Variants in RBFOX1 observed in about 807,000 individuals in gnomAD.
RBFOX1 encodes the protein RNA binding protein fox-1 homolog 1.
In RBFOX1, 8 loss-of-function variants were observed where a neutral mutation model predicts 57.7. That is an observed-to-expected ratio of 0.14 (90% CI 0.08 to 0.25). The LOEUF is 0.25. Among genes scored for constraint, RBFOX1 ranks in the 10% least tolerant of loss-of-function variants. The pLI, the probability that RBFOX1 is intolerant of heterozygous loss-of-function variation, is 1.00. For missense variants in RBFOX1, 611 were observed against 548.5 expected (o/e 1.11, Z -1.14); for synonymous variants, 326 against 222.4 (o/e 1.47, Z -4.15).
intron 2 of RBFOX1, among the ~76,000 whole-genome samples, chr16:5,492,272 T>C (rs887846119): frequency 6.6e-6 from 1 of 152,210 alleles, no homozygotes; most frequent in Non-Finnish European, 1.5e-5. Context: ...CAGGTACCTG[T>C]TTTTCCCAAT....
At chr16:6,063,428 A>G (rs1340851909) in intron 1 of RBFOX1, among the ~76,000 whole-genome samples, 3 of 151,212 alleles carry the variant, frequency 2.0e-5, no homozygotes, top group African/African-American at 7.3e-5. Context: ...ACTTGTCTCA[A>G]GCATTATCCA....
chr16:6,927,412 C>CAGAAAAAAAA (rs79137804), intron 3 of RBFOX1, among the ~76,000 whole-genome samples: 25 of 9,634 alleles, frequency 2.6e-3, no homozygotes, highest in Non-Finnish European at 3.9e-3. Flanking sequence ...GACGCTTTCT[C>CAGAAAAAAAA]ACAAAAAAAA....
At chr16:7,697,344 G>C (rs1233985640) in intron 14 of RBFOX1, among the ~76,000 whole-genome samples, 1 of 152,142 alleles carries the variant, frequency 6.6e-6, no homozygotes, top group Non-Finnish European at 1.5e-5. Context: ...CTTGTTCTAA[G>C]GGTCTATCAG....
intron 5 of RBFOX1, among the ~76,000 whole-genome samples, chr16:7,543,386 G>C (rs973509719): frequency 6.6e-6 from 1 of 152,136 alleles, no homozygotes; most frequent in Non-Finnish European, 1.5e-5. Context: ...TACAGGCCTG[G>C]TAATGATCAT....
chr16:5,524,821 G>A (rs1010886151), intron 2 of RBFOX1, among the ~76,000 whole-genome samples: 13 of 152,036 alleles, frequency 8.6e-5, no homozygotes, highest in South Asian at 2.1e-4. Flanking sequence ...GATTACAGGC[G>A]TGAGACACCG....
At chr16:5,556,352 C>T (rs749979148) in intron 2 of RBFOX1, among the ~76,000 whole-genome samples, 24 of 152,222 alleles carry the variant, frequency 1.6e-4, no homozygotes, top group East Asian at 3.9e-4. Flanking sequence ...CCCTCCCCGG[C>T]AGCTGCTGAA....
chr16:7,112,715 TG>T (rs1434559967), intron 4 of RBFOX1, among the ~76,000 whole-genome samples: 3 of 151,174 alleles, frequency 2.0e-5, no homozygotes, highest in Admixed American at 1.3e-4. Context: ...TGTCCGCAAA[TG>T]GGTCAAAGTG....
rs1047132092 is a variant in RBFOX1 at position 6,915,591 on chromosome 16, C to T, written c.-15-136466C>T. ...TTTGACACAGTGTCTTGCTCTGTCA[C>T]CCAGGCTGGAGTGCAGTGCCATGAT... On this transcript the variant is annotated intron_variant, in intron 3 of 15. Transcript: ENST00000550418. Among the ~76,000 whole-genome samples the T allele has an allele frequency of 1.3e-5, 2 of 150,248 alleles. 1 individual carries two copies. The highest frequency in any genetic ancestry group is 4.9e-5 in the African/African-American group (2 of 40,604).
At chr16:5,569,367 T>C (rs2046188758) in intron 2 of RBFOX1, among the ~76,000 whole-genome samples, 1 of 151,190 alleles carries the variant, frequency 6.6e-6, no homozygotes, top group Non-Finnish European at 1.5e-5. Context: ...ACGCTCTGAT[T>C]ACTTCTCTGT....
At chr16:7,228,161 C>G (rs1033588760) in intron 4 of RBFOX1, among the ~76,000 whole-genome samples, 2 of 152,086 alleles carry the variant, frequency 1.3e-5, no homozygotes, top group African/African-American at 4.8e-5. Context: ...TCCGCGAGAG[C>G]AGGCATTGTG....
chr16:7,493,467 A>T (rs1267768352), intron 4 of RBFOX1, among the ~76,000 whole-genome samples: 2 of 152,236 alleles, frequency 1.3e-5, no homozygotes, highest in Non-Finnish European at 2.9e-5. Context: ...CTATGCAGAC[A>T]GATTTAAGTA....
chr16:5,713,969 T>A (rs746616988), intron 3 of RBFOX1, among the ~76,000 whole-genome samples: 5 of 152,220 alleles, frequency 3.3e-5, no homozygotes, highest in Non-Finnish European at 7.3e-5. Flanking sequence ...TCAAATCTGC[T>A]GAGCTTTTTG....
chr16:6,133,019 C>T (rs2096640794), intron 1 of RBFOX1, among the ~76,000 whole-genome samples: 1 of 142,826 alleles, frequency 7.0e-6, no homozygotes, highest in African/African-American at 2.6e-5. Context: ...AAGGTCTCTG[C>T]TGTGCATTAT....
chr16:6,145,687 T>C (rs185227408), intron 1 of RBFOX1, among the ~76,000 whole-genome samples: 1 of 152,248 alleles, frequency 6.6e-6, no homozygotes, highest in East Asian at 1.9e-4. Flanking sequence ...GTACCTTACC[T>C]GTAGTATTTT....
At chr16:6,528,435 C>T (rs566050615) in intron 2 of RBFOX1, among the ~76,000 whole-genome samples, 2 of 152,130 alleles carry the variant, frequency 1.3e-5, no homozygotes, top group Admixed American at 6.6e-5. Context: ...TAAAACATGA[C>T]CTTGACTTTC....
At chr16:5,278,009 G>C (rs1186214515) in intron 1 of RBFOX1, among the ~76,000 whole-genome samples, 1 of 151,852 alleles carries the variant, frequency 6.6e-6, no homozygotes, top group Admixed American at 6.6e-5. Flanking sequence ...CCTTTTTTTT[G>C]GATATATACC....
intron 1 of RBFOX1, among the ~76,000 whole-genome samples, chr16:6,151,951 T>C (rs1325848469): frequency 6.6e-6 from 1 of 152,210 alleles, no homozygotes; most frequent in Non-Finnish European, 1.5e-5. Context: ...GAAAAAGCTT[T>C]AATATAGACA....
chr16:7,019,389 T>G (rs1049784882), intron 3 of RBFOX1, among the ~76,000 whole-genome samples: 4 of 152,084 alleles, frequency 2.6e-5, no homozygotes, highest in African/African-American at 9.7e-5. Flanking sequence ...CATGAAAGTA[T>G]GTGTGTGTTT....
chr16:5,454,363 T>C (rs1363526948), intron 1 of RBFOX1, among the ~76,000 whole-genome samples: 1 of 152,210 alleles, frequency 6.6e-6, no homozygotes, highest in Non-Finnish European at 1.5e-5. Context: ...GGTCAGAAGT[T>C]TGAGCAGGTG....
Sources: gnomAD v4.1 joint callset for allele counts (sites outside exome capture counted in the v4.1 genomes callset) on GRCh38, gnomAD v4.1.1 for gene constraint, MANE v1.5 for transcripts, NCBI Gene and HGNC (gene_info 2026-07-23, HGNC 2026-07-21) for gene names.